Variants in AHCTF1 observed in about 807,000 individuals in gnomAD.
AHCTF1 encodes the protein AT-hook containing transcription factor 1.
Under a neutral mutation model 248.4 loss-of-function variants are expected in AHCTF1, and 24 were observed. The observed-to-expected ratio is 0.10, with a 90% confidence interval of 0.07 to 0.14. The LOEUF (loss-of-function observed/expected upper bound fraction) is 0.14. Ranked by LOEUF, AHCTF1 falls within the 10% of genes least tolerant of loss-of-function variation. The pLI is 1.00. For synonymous variants in AHCTF1, 786 were observed against 929.8 expected (o/e 0.85, Z 2.81); for missense variants, 2,206 against 2,636.2 (o/e 0.84, Z 3.57).
rs780328299 is a variant in AHCTF1, at chr1:246,851,433, G to T, written c.4573C>A (p.Gln1525Lys). 1.4e-5 allele frequency: 22 copies of T among 1,605,654 alleles called. No individual in the cohort carries two copies. In the South Asian group the frequency reaches 2.3e-4, roughly 17 times the overall value. ...PDTQEIHVIE[Q>K]EKLEAQDSGE... ...GAATCTTGAGCTTCAAGCTTTTCTT[G>T]TTCAATCACCTAAATGAATTAAAGA... is the stretch of plus-strand genomic sequence containing the variant. The change falls in exon 33 of 36, where the codon CAA becomes AAA. Residue 1525 changes from glutamine to lysine, a missense_variant. Gln to Lys is a moderately conservative substitution (Grantham distance 53). Coordinates refer to ENST00000648844, the MANE Select transcript of AHCTF1 (RefSeq NM_001323342.2).
At position 246,867,670 on chromosome 1, in the gene AHCTF1, G is replaced by A. The variant is rs1662083196; in HGVS notation, c.3230C>T (p.Pro1077Leu). The change falls in exon 25 of 36, where the codon CCT becomes CTT. Residue 1077 changes from proline (P) to leucine (L), a missense_variant. Pro to Leu is a moderately conservative substitution (Grantham distance 98). This residue lies in a region of AHCTF1 where 955 missense variants were observed against 1,055.6 expected (regional missense o/e 0.90). Transcript: ENST00000648844. Reference protein sequence around the residue: ...ASKEPINSTTPFNSSKIEEPS... With the variant: ...ASKEPINSTTLFNSSKIEEPS... ...GTGTAAGAAAACATACCTATTGAAA[G>A]GTGTGGTGCTATTTATAGGTTCTTT... The A allele has an allele frequency of 6.2e-7, 1 of 1,611,322 alleles. No individual in the cohort carries two copies. Among genetic ancestry groups the A allele is most frequent in the Non-Finnish European group, 8.5e-7 (1 of 1,179,628 alleles).
intron 32 of AHCTF1, 107 bp from the exon 33 acceptor site, chr1:246,851,549 AATT>A: frequency 2.1e-6 from 2 of 930,756 alleles, no homozygotes; most frequent in Non-Finnish European, 3.1e-6. Flanking sequence ...TTAAAACATA[AATT>A]ATATTTAATA....
chr1:246,922,052 C>A (rs1666582059), intron 1 of AHCTF1, among the ~76,000 whole-genome samples: 2 of 152,182 alleles, frequency 1.3e-5, no homozygotes, highest in Non-Finnish European at 2.9e-5. Flanking sequence ...GACTTTGTTA[C>A]ATATCCATGT....
chr1:246,911,511 T>C (rs1327504168), intron 4 of AHCTF1, among the ~76,000 whole-genome samples: 2 of 148,826 alleles, frequency 1.3e-5, no homozygotes. Flanking sequence ...GAGATGGAGT[T>C]TCACTCTTGT....
rs900717786 is a variant in AHCTF1, at chr1:246,887,413, T to C, written c.2326-56A>G. ...TACAACAACAAAAACCTCCTACGTATATATTTACAATAGGTAGCAACAAAA... is the reference window on the plus strand; with the variant it reads ...TACAACAACAAAAACCTCCTACGTACATATTTACAATAGGTAGCAACAAAA... On this transcript the variant is annotated intron_variant, in intron 19 of 35. Transcript: ENST00000648844. 2.0e-6 allele frequency: 3 copies of C among 1,508,448 alleles called. No individual in the cohort carries two copies. In the African/African-American group the frequency reaches 4.2e-5, roughly 21 times the overall value. The allele number at this position is 1,508,448 out of a possible 1,614,324, so 93.4% of individuals were successfully genotyped here.
At chr1:246,920,653 C>T (rs1426268161) in intron 1 of AHCTF1, among the ~76,000 whole-genome samples, 4 of 151,958 alleles carry the variant, frequency 2.6e-5, no homozygotes, top group African/African-American at 9.7e-5. Context: ...GCCTGTAGTT[C>T]CAGCTACTCG....
chr1:246,861,815 TTTC>T lies in AHCTF1; in HGVS notation c.3735+141_3735+143del, dbSNP rs1572379248. 1.9e-5 allele frequency: 14 copies of T among 750,984 alleles called. No individual in the cohort carries two copies. In the East Asian group the frequency reaches 3.9e-4, roughly 21 times the overall value. The allele number at this position is 750,984 out of a possible 1,614,324, so 46.5% of individuals were successfully genotyped here. On this transcript the variant is annotated intron_variant, in intron 28 of 35. Coordinates refer to ENST00000648844, the MANE Select transcript of AHCTF1 (RefSeq NM_001323342.2). ...CTAGTGTTTCTTTCAGAACTAACCT[TTTC>T]TTATTTCATTACTAGCTACAAGATT... is the stretch of plus-strand genomic sequence containing the variant.
chr1:246,902,233 G>A (rs921426581), intron 8 of AHCTF1, among the ~76,000 whole-genome samples: 6 of 152,080 alleles, frequency 3.9e-5, no homozygotes, highest in South Asian at 2.1e-4. Flanking sequence ...AAAAATACAC[G>A]GGTAAACTTC....
At chr1:246,925,121 C>A (rs1340748435) in intron 1 of AHCTF1, among the ~76,000 whole-genome samples, 2 of 152,286 alleles carry the variant, frequency 1.3e-5, no homozygotes, top group African/African-American at 4.8e-5. Context: ...GAAGTTAACA[C>A]ATTTTTCCTA....
At position 246,851,462 on chromosome 1, in the gene AHCTF1, G is replaced by C. The variant is rs1373879770; in HGVS notation, c.4564-20C>G. ...AATCACCTAAATGAATTAAAGATAA[G>C]AGACTGGTTAAAGAATTTTAATACA... On this transcript the variant is annotated intron_variant, in intron 32 of 35. Coordinates refer to ENST00000648844, the MANE Select transcript of AHCTF1 (RefSeq NM_001323342.2). The C allele has an allele frequency of 3.2e-6, 5 of 1,572,456 alleles. No homozygotes were observed. Among genetic ancestry groups the C allele is most frequent in the East Asian group, 2.3e-5 (1 of 44,330 alleles).
intron 1 of AHCTF1, among the ~76,000 whole-genome samples, chr1:246,920,599 T>C (rs1247668581): frequency 6.6e-6 from 1 of 151,140 alleles, no homozygotes; most frequent in Non-Finnish European, 1.5e-5. Context: ...TGAAACCCTG[T>C]CTCTACTAAA....
At chr1:246,893,069 C>G (rs1302296606) in intron 14 of AHCTF1, among the ~76,000 whole-genome samples, 3 of 152,078 alleles carry the variant, frequency 2.0e-5, no homozygotes, top group Non-Finnish European at 4.4e-5. Context: ...GCTGAACTAC[C>G]AAGTTAAACC....
At position 246,875,024 on chromosome 1, in the gene AHCTF1, C is replaced by T. The variant is rs141292322; in HGVS notation, c.3088+1013G>A. Among the ~76,000 whole-genome samples the T allele has an allele frequency of 6.1e-3, 884 of 145,124 alleles. 5 individuals carry two copies. Among genetic ancestry groups the T allele is most frequent in the Middle Eastern group, 0.021 (6 of 290 alleles). On this transcript the variant is annotated intron_variant, in intron 24 of 35. Transcript: ENST00000648844. ...GTCACCTACTTTGTTAAAACCATCT[C>T]CTGACAGGCCAACAACTTATATTAT... is the stretch of plus-strand genomic sequence containing the variant.
chr1:246,860,591 C>CGCA (rs1008431729), intron 29 of AHCTF1, among the ~76,000 whole-genome samples: 2 of 152,098 alleles, frequency 1.3e-5, no homozygotes, highest in African/African-American at 4.8e-5. Context: ...TGCTCTGTCA[C>CGCA]GCAGGCTAAA....
chr1:246,891,113 CCA>C (rs1442427819), intron 15 of AHCTF1, 53 bp from the exon 16 acceptor site: 21 of 1,138,544 alleles, frequency 1.8e-5, no homozygotes, highest in Middle Eastern at 2.0e-4. Context: ...TCAAGATGCT[CCA>C]CAGTTTTCAA....
intron 5 of AHCTF1, among the ~76,000 whole-genome samples, chr1:246,906,756 A>C (rs1216761131): frequency 1.3e-5 from 2 of 152,232 alleles, no homozygotes; most frequent in African/African-American, 4.8e-5. Flanking sequence ...CGCTTAACAC[A>C]AATTAACTTA....
At chr1:246,858,456 A>C (rs540883028) in intron 29 of AHCTF1, among the ~76,000 whole-genome samples, 38 of 152,328 alleles carry the variant, frequency 2.5e-4, no homozygotes, top group Non-Finnish European at 4.9e-4. Flanking sequence ...ACGCATACTC[A>C]GTAAGTAGCT....
At chr1:246,877,505 T>G (rs747968451) in intron 21 of AHCTF1, among the ~76,000 whole-genome samples, 4 of 152,144 alleles carry the variant, frequency 2.6e-5, no homozygotes, top group Non-Finnish European at 5.9e-5. Flanking sequence ...TTAAAGAATT[T>G]TATGCTGCTT....
intron 11 of AHCTF1, 92 bp downstream of exon 11, chr1:246,899,359 T>A (rs1664836553): frequency 9.5e-7 from 1 of 1,056,230 alleles, no homozygotes; most frequent in Non-Finnish European, 1.4e-6. Context: ...GAAACAACTG[T>A]CAATATCACT....
Sources: allele counts gnomAD v4.1 joint callset (sites outside exome capture counted in the v4.1 genomes callset), GRCh38; gene constraint gnomAD v4.1.1; regional missense constraint gnomAD v4.1.1; transcripts MANE v1.5; gene names NCBI Gene and HGNC (gene_info 2026-07-23, HGNC 2026-07-21).